The following KCNH3 variants were observed in gnomAD, a reference collection of about 807,000 sequenced individuals.
KCNH3 encodes potassium voltage-gated channel subfamily H member 3.
Under a neutral mutation model 95.6 loss-of-function variants are expected in KCNH3, and 36 were observed. The observed-to-expected ratio is 0.38, with a 90% confidence interval of 0.29 to 0.50. The LOEUF (loss-of-function observed/expected upper bound fraction) is 0.50. KCNH3 is among the 20% of genes least tolerant of loss of function. The pLI is 0.95. For synonymous variants in KCNH3, 620 were observed against 646.3 expected (o/e 0.96, Z 0.62); for missense variants, 1,030 against 1,484.1 (o/e 0.69, Z 5.03).
At chr12:49,544,543 C>T (rs936504768) in intron 7 of KCNH3, among the ~76,000 whole-genome samples, 161 bp downstream of exon 7, 4 of 152,184 alleles carry the variant, frequency 2.6e-5, no homozygotes, top group Admixed American at 1.3e-4. Context: ...GCCACCACCA[C>T]GTGACGGGCC....
chr12:49,541,563 C>G (rs1937871592), intron 2 of KCNH3, 67 bp from the exon 3 acceptor site: 1 of 1,575,932 alleles, frequency 6.3e-7, no homozygotes, highest in Admixed American at 1.8e-5. Flanking sequence ...GTCAGTGGAG[C>G]CAGGGCCTCT....
Position 49,549,529 on chromosome 12 carries a change from C to T in KCNH3, c.1557C>T (p.Arg519=). The change falls in exon 9 of 15, where the codon CGC becomes CGT. Residue 519 remains arginine, a synonymous_variant. Transcript: ENST00000257981. Reference sequence around the variant, plus strand: ...GCTTTCTGTACCACAGCCGCACGCGCGACCTGCGCGACTACATCCGCATCC... The same window carrying T: ...GCTTTCTGTACCACAGCCGCACGCGTGACCTGCGCGACTACATCCGCATCC... ...ARRFLYHSRT[R]DLRDYIRIHR... 1 of 1,613,666 alleles carries T rather than the reference C, an allele frequency of 6.2e-7. No homozygotes were observed. The highest frequency in any genetic ancestry group is 8.5e-7 in the Non-Finnish European group (1 of 1,180,042).
chr12:49,555,472 A>T (rs1938406593), intron 11 of KCNH3, 148 bp from the exon 12 acceptor site: 1 of 435,564 alleles, frequency 2.3e-6, no homozygotes, highest in Non-Finnish European at 4.1e-6. Context: ...AGATAGTATC[A>T]TCTATAGGAC....
At chr12:49,542,146 T>TC (rs1937892630) in intron 3 of KCNH3, among the ~76,000 whole-genome samples, 1 of 152,232 alleles carries the variant, frequency 6.6e-6, no homozygotes, top group Non-Finnish European at 1.5e-5. Flanking sequence ...TTTAAGTTCT[T>TC]CGAGTCTTTC....
chr12:49,548,760 C>A, intron 7 of KCNH3, 135 bp from the exon 8 acceptor site: 1 of 859,582 alleles, frequency 1.2e-6, no homozygotes, highest in Non-Finnish European at 1.7e-6. Flanking sequence ...GAGGGGTGTG[C>A]TAGGCTGGCA....
Position 49,550,112 on chromosome 12 carries a change from A to G in KCNH3, c.1701A>G (p.Ala567=). The part of the protein sequence containing the change: ...LLQSLPDELR[A]DIAMHLHKEV... The stretch of plus-strand genomic sequence containing the variant: ...AGAGCCTCCCTGACGAGCTGCGCGC[A>G]GACATCGCCATGCACCTGCACAAGG... Residue 567 remains alanine, a synonymous_variant, in exon 10 of 15, where the codon GCA becomes GCG. Transcript: ENST00000257981. The G allele has an allele frequency of 7.3e-7, 1 of 1,375,538 alleles. No homozygotes were observed. Among genetic ancestry groups the G allele is most frequent in the Non-Finnish European group, 9.7e-7 (1 of 1,031,796 alleles). The allele number at this position is 1,375,538 out of a possible 1,614,324, so 85.2% of individuals were successfully genotyped here.
At position 49,549,097 on chromosome 12, in the gene KCNH3, C is replaced by G. The variant is rs1938166501; in HGVS notation, c.1392C>G (p.Thr464=). Residue 464 remains threonine, a synonymous_variant, in exon 8 of 15, where the codon ACC becomes ACG. Transcript: ENST00000257981. ...TSLYFALSSL[T]SVGFGNVSAN... is the part of the protein sequence containing the mutation. ...TCTACTTCGCACTCAGCAGCCTCAC[C>G]AGCGTGGGCTTCGGCAACGTGTCCG... 9 of 1,612,694 alleles carry G rather than the reference C, an allele frequency of 5.6e-6. No individual in the cohort carries two copies. In the East Asian group the frequency reaches 2.0e-4, roughly 36 times the overall value.
In KCNH3 at chr12:49,544,367, G is replaced by C; in HGVS notation, c.1174G>C (p.Glu392Gln). Reference sequence around the variant, plus strand: ...GCGGGAGATCGAGAGCAGCGAATCCGAGCTGCCTGAGATTGGTACTGGAGG... The same window carrying C: ...GCGGGAGATCGAGAGCAGCGAATCCCAGCTGCCTGAGATTGGTACTGGAGG... ...GQREIESSES[E>Q]LPEIGWLQEL... The change falls in exon 7 of 15, where the codon GAG (glutamate) becomes CAG (glutamine). Residue 392 changes from glutamate to glutamine, a missense_variant. Glu to Gln is a conservative substitution (Grantham distance 29, BLOSUM62 2). Around this residue, in one of 9 missense-constraint regions of KCNH3, gnomAD observed 153 missense variants for 288.5 expected, o/e 0.53. Transcript: ENST00000257981. The C allele has an allele frequency of 6.2e-7, 1 of 1,613,132 alleles. No individual in the cohort carries two copies.
At chr12:49,541,578 C>T (rs1937872055) in intron 2 of KCNH3, 52 bp from the exon 3 acceptor site, 3 of 1,600,762 alleles carry the variant, frequency 1.9e-6, no homozygotes, top group African/African-American at 2.7e-5. Context: ...GCCTCTGTCA[C>T]CTCAGGCAGT....
chr12:49,540,414 G>A (rs921342703), intron 1 of KCNH3, among the ~76,000 whole-genome samples: 1 of 152,120 alleles, frequency 6.6e-6, no homozygotes, highest in African/African-American at 2.4e-5. Context: ...CAGGCAGCTA[G>A]GGCTAAAACA....
chr12:49,549,325 G>A, intron 8 of KCNH3, 116 bp from the exon 9 acceptor site: 3 of 1,460,078 alleles, frequency 2.1e-6, no homozygotes, highest in South Asian at 1.3e-5. Flanking sequence ...GACTTCGCCC[G>A]CACAGCGGCC....
At chr12:49,544,153 T>TCCCG in intron 6 of KCNH3, 22 bp from the exon 7 acceptor site, 1 of 367,048 alleles carries the variant, frequency 2.7e-6, no homozygotes, top group Non-Finnish European at 5.2e-6. Context: ...CCTCCCTCCC[T>TCCCG]CCCTCCCTCC....
chr12:49,553,431 G>A (rs1592509424), intron 10 of KCNH3, among the ~76,000 whole-genome samples: 1 of 152,292 alleles, frequency 6.6e-6, no homozygotes, highest in East Asian at 1.9e-4. Context: ...CATTGTGCCT[G>A]GCAGGAATGA....
intron 9 of KCNH3, 33 bp from the exon 10 acceptor site, chr12:49,550,047 A>ACCCCCCCCCCC: frequency 1.9e-6 from 1 of 539,784 alleles, no homozygotes; most frequent in Non-Finnish European, 3.0e-6. Flanking sequence ...TGCCACTCCC[A>ACCCCCCCCCCC]ACCCCCCCAC....
At chr12:49,542,647 C>T (rs767755910) in intron 3 of KCNH3, 59 bp from the exon 4 acceptor site, 50 of 1,509,370 alleles carry the variant, frequency 3.3e-5, no homozygotes, top group East Asian at 4.9e-5. Flanking sequence ...ACACCTGACC[C>T]GGAGCTAGGG....
chr12:49,553,042 ACTTT>A (rs1326460410), intron 10 of KCNH3, among the ~76,000 whole-genome samples: 1 of 152,106 alleles, frequency 6.6e-6, no homozygotes, highest in Admixed American at 6.6e-5. Context: ...TTTTTGAAAC[ACTTT>A]CTAACAGTCT....
At position 49,557,586 on chromosome 12, in the gene KCNH3, C is replaced by G; in HGVS notation, c.2885C>G (p.Pro962Arg). 1 of 1,612,990 alleles carries G rather than the reference C, an allele frequency of 6.2e-7. No individual in the cohort carries two copies. Among genetic ancestry groups the G allele is most frequent in the Non-Finnish European group, 8.5e-7 (1 of 1,179,958 alleles). Residue 962 changes from proline to arginine, a missense_variant, in exon 15 of 15, where the codon CCC (proline) becomes CGC (arginine). Transcript: ENST00000257981. ...PAGSVLSGTW[P>R]HPRPGPPPLM... ...GGCTCTGTCTTGAGTGGGACTTGGC[C>G]CCACCCTCGTCCGGGGCCTCCTCCC...
Position 49,539,362 on chromosome 12 carries a change from G to A in KCNH3, c.-55G>A, listed in dbSNP as rs1339632714. ...GCGGCCGAGCTGGGCGCCCTCCCCC[G>A]GCGCGGAGTCCCCGCACCCCGGAGG... On this transcript the variant is annotated 5_prime_UTR_variant, in exon 1 of 15. Coordinates refer to ENST00000257981, the MANE Select transcript of KCNH3 (RefSeq NM_012284.3). This position sits in a 1 kb window ranked among gnomAD's most constrained non-coding sequence, Gnocchi z 6.7. The A allele has an allele frequency of 8.2e-7, 1 of 1,224,110 alleles. No homozygotes were observed. The highest frequency in any genetic ancestry group is 2.2e-5 in the South Asian group (1 of 46,360). 75.8% of individuals were successfully genotyped at this position (1,224,110 alleles called of 1,614,324 possible).
Position 49,555,808 on chromosome 12 carries a change from C to G in KCNH3, c.2325C>G (p.Pro775=), listed in dbSNP as rs1306854813. The change falls in exon 12 of 15, where the codon CCC becomes CCG. Residue 775 remains proline, a synonymous_variant. Coordinates refer to ENST00000257981, the MANE Select transcript of KCNH3 (RefSeq NM_012284.3). The part of the protein sequence containing the change: ...AKLLSPRRTA[P]RPRLGGRGRP... ...TGCTATCCCCACGTCGAACAGCACC[C>G]CGGCCTCGTCTAGGTGGCAGAGGGA... 3.1e-6 allele frequency: 5 copies of G among 1,613,456 alleles called. No individual in the cohort carries two copies. In the African/African-American group the frequency reaches 5.3e-5, roughly 17 times the overall value.
Sources: gnomAD v4.1 joint callset for allele counts (sites outside exome capture counted in the v4.1 genomes callset) on GRCh38, gnomAD v4.1.1 for gene constraint, gnomAD v4.1.1 regional missense constraint, Gnocchi (gnomAD v3.1) non-coding constraint, MANE v1.5 for transcripts, NCBI Gene and HGNC (gene_info 2026-07-23, HGNC 2026-07-21) for gene names.